ENTHD1: variants seen among roughly 807,000 people sequenced by gnomAD.
ENTHD1 encodes ENTH domain containing 1, also known as ENTH domain-containing protein 1.
In ENTHD1, 23 loss-of-function variants were observed where a neutral mutation model predicts 39.1. The observed-to-expected ratio is 0.59, with a 90% confidence interval of 0.42 to 0.83. The LOEUF is 0.83. Among genes scored for constraint, ENTHD1 ranks in the 40% least tolerant of loss-of-function variants. The probability of loss-of-function intolerance (pLI) is 0.00; values close to 1 mark genes in which losing one functional copy is unlikely to be tolerated. For synonymous variants in ENTHD1, 230 were observed against 258.2 expected (o/e 0.89, Z 1.05); for missense variants, 624 against 705.4 (o/e 0.88, Z 1.31).
chr22:39,805,071 G>A (rs2065629773), intron 5 of ENTHD1, among the ~76,000 whole-genome samples: 1 of 152,184 alleles, frequency 6.6e-6, no homozygotes, highest in Non-Finnish European at 1.5e-5. Context: ...GGAGGGGCTG[G>A]TCATCCATCT....
chr22:39,762,121 G>C (rs993558973), intron 6 of ENTHD1, among the ~76,000 whole-genome samples: 2 of 152,170 alleles, frequency 1.3e-5, no homozygotes, highest in African/African-American at 4.8e-5. Context: ...GTAAGCAAAA[G>C]CTGGTCTCAT....
intron 5 of ENTHD1, among the ~76,000 whole-genome samples, chr22:39,769,585 C>T (rs1012995256): frequency 1.3e-5 from 2 of 151,984 alleles, no homozygotes; most frequent in African/African-American, 2.4e-5. Context: ...GAGAAAGCTC[C>T]GGGGTGGAGA....
chr22:39,752,144 T>C (rs1045716324), intron 6 of ENTHD1, among the ~76,000 whole-genome samples: 3 of 152,152 alleles, frequency 2.0e-5, no homozygotes, highest in Non-Finnish European at 4.4e-5. Flanking sequence ...ATATACTATA[T>C]ACTTTTTGGT....
chr22:39,872,073 T>A lies in ENTHD1; in HGVS notation c.350-10066A>T, dbSNP rs145755297. Among the ~76,000 whole-genome samples, 33 of 152,320 alleles carry A rather than the reference T, an allele frequency of 2.2e-4. No homozygotes were observed. The East Asian group carries it at 5.8e-3, about 27-fold the overall frequency. ...TAGGTGGGTTCACCGATTAGAGAAT[T>A]CTGACTCTCGATGTCTGACACTAGT... On this transcript the variant is annotated intron_variant, in intron 2 of 6. Coordinates refer to ENST00000325157, the MANE Select transcript of ENTHD1 (RefSeq NM_152512.4).
chr22:39,829,603 C>T (rs1289729445), intron 4 of ENTHD1, among the ~76,000 whole-genome samples: 2 of 151,834 alleles, frequency 1.3e-5, no homozygotes, highest in African/African-American at 4.8e-5. Context: ...TGGCCAAGAT[C>T]AGCCTGGTGA....
intron 5 of ENTHD1, among the ~76,000 whole-genome samples, chr22:39,776,236 AC>A: frequency 2.6e-5 from 4 of 152,296 alleles, no homozygotes; most frequent in Middle Eastern, 6.8e-3. Context: ...GTAAATGTAT[AC>A]TCTGTAAACA....
rs11912827 is a variant in ENTHD1, at chr22:39,843,402, T to C, written c.593-7444A>G. On this transcript the variant is annotated intron_variant, in intron 3 of 6. Coordinates refer to ENST00000325157, the MANE Select transcript of ENTHD1 (RefSeq NM_152512.4). ...ACATATTCTCACTCATAGGTGGGAA[T>C]TGAACAATGAGATCACATGGACACA... Among the ~76,000 whole-genome samples, 484 of 139,726 alleles carry C rather than the reference T, an allele frequency of 3.5e-3. 4 individuals are homozygous for C. The highest frequency in any genetic ancestry group is 0.012 in the African/African-American group (461 of 36,932). The allele number at this position is 139,726 out of a possible 152,430, so 91.7% of individuals were successfully genotyped here.
intron 4 of ENTHD1, among the ~76,000 whole-genome samples, chr22:39,830,962 A>G (rs551050643): frequency 6.6e-6 from 1 of 152,366 alleles, no homozygotes; most frequent in East Asian, 1.9e-4. Context: ...TAACATCTTC[A>G]TGGAACAGAA....
intron 5 of ENTHD1, among the ~76,000 whole-genome samples, chr22:39,785,534 G>A (rs1257094014): frequency 1.3e-5 from 2 of 152,216 alleles, no homozygotes; most frequent in Non-Finnish European, 2.9e-5. Flanking sequence ...GGCCATGGTT[G>A]TAGTCACCTT....
At chr22:39,838,235 T>C (rs912546212) in intron 3 of ENTHD1, among the ~76,000 whole-genome samples, 1 of 152,202 alleles carries the variant, frequency 6.6e-6, no homozygotes, top group African/African-American at 2.4e-5. Context: ...ATTTTTTTGG[T>C]ATTCTTCCCA....
In ENTHD1 at chr22:39,765,509, G is replaced by A; in HGVS notation, c.933C>T (p.Asn311=). 6.2e-7 allele frequency: 1 copy of A among 1,613,862 alleles called. No individual in the cohort carries two copies. Among genetic ancestry groups the A allele is most frequent in the South Asian group, 1.1e-5 (1 of 91,074 alleles). The part of the protein sequence containing the change: ...DGIFTNTVTE[N]LLETPLEKQS... ...GCTTTTCTAAAGGTGTTTCCAAGAG[G>A]TTTTCTGTGACAGTATTTGTAAAGA... Residue 311 remains asparagine (N), a synonymous_variant, in exon 6 of 7, where the codon AAC becomes AAT. Coordinates refer to ENST00000325157, the MANE Select transcript of ENTHD1 (RefSeq NM_152512.4).
At chr22:39,756,316 T>TCACA (rs924008247) in intron 6 of ENTHD1, among the ~76,000 whole-genome samples, 1,817 of 138,052 alleles carry the variant, frequency 0.013, 18 homozygotes, top group Non-Finnish European at 0.021. Flanking sequence ...TCTCTCTCTC[T>TCACA]CACACACACA....
At chr22:39,889,654 CTTGA>C (rs1451602329) in intron 1 of ENTHD1, among the ~76,000 whole-genome samples, 3 of 152,156 alleles carry the variant, frequency 2.0e-5, no homozygotes, top group Non-Finnish European at 4.4e-5. Context: ...CTAGCTCAGC[CTTGA>C]TTAATTTCTG....
chr22:39,845,630 T>C (rs913495237), intron 3 of ENTHD1, among the ~76,000 whole-genome samples: 1 of 152,352 alleles, frequency 6.6e-6, no homozygotes, highest in South Asian at 2.1e-4. Context: ...TTTGAAGTTA[T>C]TGTAAATTAT....
intron 3 of ENTHD1, among the ~76,000 whole-genome samples, chr22:39,846,872 G>A (rs371993109): frequency 3.3e-5 from 5 of 151,940 alleles, no homozygotes; most frequent in South Asian, 4.2e-4. Flanking sequence ...TAGAATGGCA[G>A]TCATTAAAAA....
rs2065077494 is a variant in ENTHD1, at chr22:39,743,693, A to G, written c.1810T>C (p.Ser604Pro). 1 of 1,609,416 alleles carries G rather than the reference A, an allele frequency of 6.2e-7. No homozygotes were observed. Among genetic ancestry groups the G allele is most frequent in the Non-Finnish European group, 8.5e-7 (1 of 1,177,872 alleles). The part of the protein sequence containing the change: ...SQVPQSSEGS[S>P]DQI Reference sequence around the variant, plus strand: ...TATTGTGATGATTAGATCTGATCTGAGCTCCCCTCAGAAGACTGGGGGACC... The same window carrying G: ...TATTGTGATGATTAGATCTGATCTGGGCTCCCCTCAGAAGACTGGGGGACC... Residue 604 changes from serine to proline, a missense_variant, in exon 7 of 7, where the codon TCA becomes CCA. Coordinates refer to ENST00000325157, the MANE Select transcript of ENTHD1 (RefSeq NM_152512.4).
chr22:39,858,715 A>C (rs2066115836), intron 3 of ENTHD1, among the ~76,000 whole-genome samples: 1 of 152,208 alleles, frequency 6.6e-6, no homozygotes, highest in Admixed American at 6.5e-5. Flanking sequence ...GTACATCTCC[A>C]TCAGAGCTCT....
chr22:39,853,746 G>A (rs2066062978), intron 3 of ENTHD1, among the ~76,000 whole-genome samples: 1 of 151,882 alleles, frequency 6.6e-6, no homozygotes, highest in Non-Finnish European at 1.5e-5. Context: ...GCTAATTTTT[G>A]TATTTTTACT....
At chr22:39,780,986 G>T (rs892522193) in intron 5 of ENTHD1, among the ~76,000 whole-genome samples, 1 of 139,336 alleles carries the variant, frequency 7.2e-6, no homozygotes, top group African/African-American at 2.7e-5. Flanking sequence ...GCAACAGAGC[G>T]AGACTCCATC....
Sources: gnomAD v4.1 joint callset for allele counts (sites outside exome capture counted in the v4.1 genomes callset) on GRCh38, gnomAD v4.1.1 for gene constraint, MANE v1.5 for transcripts, NCBI Gene and HGNC (gene_info 2026-07-23, HGNC 2026-07-21) for gene names.